Variants in USP49 observed in about 807,000 individuals in gnomAD.
USP49 encodes ubiquitin specific peptidase 49, also known as ubiquitin carboxyl-terminal hydrolase 49.
A neutral mutation model predicts 58.6 loss-of-function variants in USP49; 24 were observed. The observed-to-expected ratio is 0.41, with a 90% CI of 0.30 to 0.58. USP49 has a LOEUF of 0.58. Ranked by LOEUF, USP49 falls within the 20% of genes least tolerant of loss-of-function variation. USP49 has a pLI of 0.30. For missense variants in USP49, 703 were observed against 866.1 expected (o/e 0.81, Z 2.36); for synonymous variants, 408 against 365.1 (o/e 1.12, Z -1.34).
chr6:41,844,357 C>T (rs1021626753), intron 3 of USP49, among the ~76,000 whole-genome samples: 9 of 151,302 alleles, frequency 5.9e-5, no homozygotes, highest in Non-Finnish European at 1.0e-4. Flanking sequence ...CTCCTACTGT[C>T]GCCCGGGCTG....
rs1005720033 is a variant in USP49, at chr6:41,806,343, T to G, written c.641A>C (p.His214Pro). The change falls in exon 4 of 8, where the codon CAC (histidine) becomes CCC (proline). Residue 214 changes from histidine (H) to proline (P), a missense_variant. Around this residue, in one of 6 missense-constraint regions of USP49, gnomAD observed 376 missense variants for 373.5 expected, o/e 1.01. Coordinates refer to ENST00000682992, the MANE Select transcript of USP49 (RefSeq NM_001286554.2). This position sits in a 1 kb window ranked among gnomAD's most constrained non-coding sequence, Gnocchi z 5.9. Reference protein sequence around the residue: ...PPRKSARLLLHTPRDAGPAAS... With the variant: ...PPRKSARLLLPTPRDAGPAAS... ...AGCCGGGCCCGCGTCGCGGGGCGTG[T>G]GCAGGAGCAGCCGTGCACTCTTGCG... The G allele has an allele frequency of 6.5e-7, 1 of 1,530,750 alleles. No individual in the cohort carries two copies. The allele number at this position is 1,530,750 out of a possible 1,614,324, so 94.8% of individuals were successfully genotyped here. A position where few individuals can be genotyped will look rare whatever the true frequency, so the allele number is the denominator to read the frequency against.
At chr6:41,891,463 A>G (rs1295834467) in intron 2 of USP49, among the ~76,000 whole-genome samples, 2 of 152,218 alleles carry the variant, frequency 1.3e-5, no homozygotes, top group Non-Finnish European at 2.9e-5. Context: ...CCTACCTCAC[A>G]GGATTGCCAT....
intron 5 of USP49, among the ~76,000 whole-genome samples, chr6:41,802,464 ATTTATTT>A (rs1294321754): frequency 1.6e-4 from 12 of 73,678 alleles, no homozygotes; most frequent in African/African-American, 6.5e-4. Flanking sequence ...TTATTTATTT[ATTTATTT>A]TTTATTTATT....
At chr6:41,867,941 C>T (rs1561922937) in intron 3 of USP49, among the ~76,000 whole-genome samples, 1 of 152,284 alleles carries the variant, frequency 6.6e-6, no homozygotes, top group Non-Finnish European at 1.5e-5. Context: ...ACTTAAGATA[C>T]ATGATTTCAA....
At chr6:41,827,029 T>C (rs1321229595) in intron 3 of USP49, among the ~76,000 whole-genome samples, 1 of 152,206 alleles carries the variant, frequency 6.6e-6, no homozygotes, top group Non-Finnish European at 1.5e-5. Context: ...ACTGATTCCT[T>C]GCACAGAAAA....
chr6:41,852,892 A>G lies in USP49; in HGVS notation c.-29+18672T>C, dbSNP rs148853870. Among the ~76,000 whole-genome samples the G allele has an allele frequency of 6.2e-4, 94 of 152,336 alleles. 1 individual carries two copies. In the East Asian group the frequency reaches 0.017, roughly 27 times the overall value. On this transcript the variant is annotated intron_variant, in intron 3 of 7. Transcript: ENST00000682992. Reference sequence around the variant, plus strand: ...TGAGATGGAATATTATTCAGCCTTAAAAATGAAAGAATTCTGGCCAGGCAC... The same window carrying G: ...TGAGATGGAATATTATTCAGCCTTAGAAATGAAAGAATTCTGGCCAGGCAC...
intron 2 of USP49, among the ~76,000 whole-genome samples, chr6:41,889,075 G>A (rs372696407): frequency 2.0e-5 from 3 of 150,546 alleles, no homozygotes; most frequent in African/African-American, 4.9e-5. Flanking sequence ...CTCTGTTGAC[G>A]AGGCTGGAGT....
chr6:41,820,929 A>G (rs189674547), intron 3 of USP49, among the ~76,000 whole-genome samples: 117 of 152,260 alleles, frequency 7.7e-4, no homozygotes, highest in African/African-American at 2.7e-3. Flanking sequence ...TGAGCCCGAG[A>G]GGTTGAGGCT....
In USP49 at chr6:41,792,966, C is replaced by T. The variant is rs917743823; in HGVS notation, c.*3567G>A. 3.3e-5 allele frequency: 5 copies of T among 150,034 alleles called. No individual in the cohort carries two copies. Among genetic ancestry groups the T allele is most frequent in the Admixed American group, 6.7e-5 (1 of 15,010 alleles). 9.3% of individuals were successfully genotyped at this position (150,034 alleles called of 1,614,324 possible). A position where few individuals can be genotyped will look rare whatever the true frequency, so the allele number is the denominator to read the frequency against. On this transcript the variant is annotated 3_prime_UTR_variant, in exon 8 of 8. Coordinates refer to ENST00000682992, the MANE Select transcript of USP49 (RefSeq NM_001286554.2). Reference sequence around the variant, plus strand: ...CCACCCTCCTCCCACCCACCACCCGCCATCCCCGACCAAGTTTTCATTCTG... The same window carrying T: ...CCACCCTCCTCCCACCCACCACCCGTCATCCCCGACCAAGTTTTCATTCTG...
chr6:41,889,882 T>C lies in USP49; in HGVS notation c.-103+1912A>G, dbSNP rs139649317. 4.0e-3 allele frequency among the ~76,000 whole-genome samples: 607 copies of C among 152,210 alleles called. 7 individuals carry two copies. The highest frequency in any genetic ancestry group is 0.011 in the African/African-American group (475 of 41,522). The stretch of plus-strand genomic sequence containing the variant: ...AGCAAATGGGGCAAAATGAAAAAAA[T>C]TGGTGAAACTGAGTAAGGGTATACA... On this transcript the variant is annotated intron_variant, in intron 2 of 7. Coordinates refer to ENST00000682992, the MANE Select transcript of USP49 (RefSeq NM_001286554.2).
At chr6:41,807,077 T>TAAA (rs11393933) in intron 3 of USP49, 66 bp from the exon 4 acceptor site, 1,068 of 1,038,370 alleles carry the variant, frequency 1.0e-3, no homozygotes, top group Middle Eastern at 1.8e-3. Context: ...ATATTTTCCT[T>TAAA]AAAAAAAAAA....
intron 4 of USP49, among the ~76,000 whole-genome samples, chr6:41,804,916 T>G (rs1374323956): frequency 6.6e-6 from 1 of 151,972 alleles, no homozygotes; most frequent in Non-Finnish European, 1.5e-5. Context: ...GCCCGGCTAA[T>G]TTTGTATTTT....
chr6:41,805,306 T>C (rs1363329546), intron 4 of USP49, among the ~76,000 whole-genome samples: 1 of 152,178 alleles, frequency 6.6e-6, no homozygotes, highest in Non-Finnish European at 1.5e-5. Context: ...GATCAAAGGA[T>C]GGCACACCAA....
intron 3 of USP49, among the ~76,000 whole-genome samples, chr6:41,870,363 G>A (rs549303412): frequency 6.6e-6 from 1 of 152,304 alleles, no homozygotes; most frequent in East Asian, 1.9e-4. Flanking sequence ...ACTAGGCAAA[G>A]AAGGTTGCAC....
chr6:41,839,820 T>C (rs1582013762), intron 3 of USP49, among the ~76,000 whole-genome samples: 1 of 111,480 alleles, frequency 9.0e-6, no homozygotes, highest in Non-Finnish European at 1.7e-5. Flanking sequence ...AATGATATAA[T>C]GGATTTGGGG....
chr6:41,798,563 A>G, intron 7 of USP49, 161 bp downstream of exon 7: 3 of 1,538,858 alleles, frequency 1.9e-6, no homozygotes, highest in Non-Finnish European at 2.6e-6. Flanking sequence ...GGTGTGAGCC[A>G]CGGCGCCCAA....
chr6:41,861,447 C>CAAAT (rs955608375), intron 3 of USP49, among the ~76,000 whole-genome samples: 3 of 151,928 alleles, frequency 2.0e-5, no homozygotes, highest in Non-Finnish European at 2.9e-5. Context: ...AGTCTCAAAA[C>CAAAT]AAATAAATAA....
chr6:41,836,943 CT>C (rs1277555329), intron 3 of USP49, among the ~76,000 whole-genome samples: 1 of 152,038 alleles, frequency 6.6e-6, no homozygotes, highest in African/African-American at 2.4e-5. Flanking sequence ...AATTACAACA[CT>C]GCTCAAAGAA....
intron 3 of USP49, among the ~76,000 whole-genome samples, chr6:41,830,887 T>C (rs932510411): frequency 6.6e-5 from 10 of 152,004 alleles, no homozygotes; most frequent in Non-Finnish European, 1.3e-4. Flanking sequence ...CAAGAGATTG[T>C]TATACACTGG....
Sources: gnomAD v4.1 joint callset for allele counts (sites outside exome capture counted in the v4.1 genomes callset) on GRCh38, gnomAD v4.1.1 for gene constraint, gnomAD v4.1.1 regional missense constraint, Gnocchi (gnomAD v3.1) non-coding constraint, MANE v1.5 for transcripts, NCBI Gene and HGNC (gene_info 2026-07-23, HGNC 2026-07-21) for gene names.